The following ITGA4 variants were observed in gnomAD, a reference collection of about 807,000 sequenced individuals.
The protein encoded by ITGA4 is integrin alpha-4.
In ITGA4, 63 loss-of-function variants were observed where a neutral mutation model predicts 133.6. The observed-to-expected ratio is 0.47, with a 90% CI of 0.38 to 0.58. The LOEUF is 0.58. Among genes scored for constraint, ITGA4 ranks in the 20% least tolerant of loss-of-function variants. The pLI, the probability that ITGA4 is intolerant of heterozygous loss-of-function variation, is 0.00. For synonymous variants in ITGA4, 483 were observed against 438.0 expected (o/e 1.10, Z -1.28); for missense variants, 1,076 against 1,252.7 (o/e 0.86, Z 2.13).
intron 2 of ITGA4, among the ~76,000 whole-genome samples, chr2:181,462,363 T>A (rs1236146153): frequency 6.6e-6 from 1 of 152,184 alleles, no homozygotes; most frequent in Non-Finnish European, 1.5e-5. Context: ...CTGGTTCATA[T>A]TATATAACCT....
chr2:181,508,223 A>C (rs989786799), intron 15 of ITGA4, among the ~76,000 whole-genome samples: 1 of 152,120 alleles, frequency 6.6e-6, no homozygotes, highest in African/African-American at 2.4e-5. Context: ...TTGAAAAAAA[A>C]AACTTGTGAC....
chr2:181,526,956 C>T (rs954129217), intron 21 of ITGA4, among the ~76,000 whole-genome samples: 1 of 150,010 alleles, frequency 6.7e-6, no homozygotes, highest in Non-Finnish European at 1.5e-5. Context: ...CTCAGCCTCC[C>T]GAGTAGCTGG....
chr2:181,469,339 G>C (rs565001828), intron 2 of ITGA4, among the ~76,000 whole-genome samples: 1 of 152,122 alleles, frequency 6.6e-6, no homozygotes, highest in Non-Finnish European at 1.5e-5. Context: ...TGTCCATGTG[G>C]TCCAGGATGG....
At position 181,470,966 on chromosome 2, in the gene ITGA4, ACCTG is replaced by A. The variant is rs533032186; in HGVS notation, c.320-3993_320-3990del. Among the ~76,000 whole-genome samples, 480 of 152,314 alleles carry A rather than the reference ACCTG, an allele frequency of 3.2e-3. 3 individuals carry two copies. Among genetic ancestry groups the A allele is most frequent in the African/African-American group, 0.011 (472 of 41,564 alleles). ...CAGGATGTTCTCTGAACAGATTCTA[ACCTG>A]TAACCAGTACTTGAAAGTTACCTCA... is the stretch of plus-strand genomic sequence containing the variant. On this transcript the variant is annotated intron_variant, in intron 2 of 27. Coordinates refer to ENST00000397033, the MANE Select transcript of ITGA4 (RefSeq NM_000885.6).
chr2:181,489,580 A>T (rs925437308), intron 10 of ITGA4, among the ~76,000 whole-genome samples: 1 of 152,202 alleles, frequency 6.6e-6, no homozygotes, highest in African/African-American at 2.4e-5. Context: ...AAGTTCTACA[A>T]TTGTAAATTA....
At chr2:181,460,585 G>A (rs1451244868) in intron 2 of ITGA4, among the ~76,000 whole-genome samples, 1 of 151,922 alleles carries the variant, frequency 6.6e-6, no homozygotes, top group African/African-American at 2.4e-5. Flanking sequence ...GTGTGTGTGT[G>A]TGTGTGTGTG....
intron 2 of ITGA4, among the ~76,000 whole-genome samples, chr2:181,471,707 T>G (rs556579923): frequency 3.3e-4 from 51 of 152,308 alleles, no homozygotes; most frequent in South Asian, 1.9e-3. Context: ...AATTTCCCAC[T>G]TACACACCTG....
chr2:181,500,614 G>C (rs1179378230), intron 15 of ITGA4, among the ~76,000 whole-genome samples: 1 of 152,060 alleles, frequency 6.6e-6, no homozygotes, highest in African/African-American at 2.4e-5. Flanking sequence ...TTTTATCTCT[G>C]CATTCCTTAC....
rs761321255 is a variant in ITGA4, at chr2:181,481,599, A to G, written c.756A>G (p.Gly252=). ...QNQVKFGSYL[G]YSVGAGHFRS... ...CATACTTTCTCCCTTTTCTTAAAGGATATTCAGTCGGAGCTGGTCATTTTC... is the reference window on the plus strand; with the variant it reads ...CATACTTTCTCCCTTTTCTTAAAGGGTATTCAGTCGGAGCTGGTCATTTTC... The change falls in exon 7 of 28, where the codon GGA becomes GGG. Residue 252 remains glycine, a splice_region_variant and synonymous_variant. Coordinates refer to ENST00000397033, the MANE Select transcript of ITGA4 (RefSeq NM_000885.6). 4 of 1,581,092 alleles carry G rather than the reference A, an allele frequency of 2.5e-6. No individual in the cohort carries two copies. Among genetic ancestry groups the G allele is most frequent in the Admixed American group, 1.7e-5 (1 of 59,398 alleles).
chr2:181,531,937 C>G (rs897615263), intron 25 of ITGA4, among the ~76,000 whole-genome samples, 161 bp downstream of exon 25: 1 of 152,204 alleles, frequency 6.6e-6, no homozygotes, highest in Non-Finnish European at 1.5e-5. Flanking sequence ...CTTCAACTAT[C>G]TACATTGACT....
chr2:181,509,175 A>T (rs1489163023), intron 15 of ITGA4, among the ~76,000 whole-genome samples: 1 of 94,970 alleles, frequency 1.1e-5, no homozygotes, highest in Non-Finnish European at 2.1e-5. Flanking sequence ...AAAAAAAAAA[A>T]AAAAAAACTA....
chr2:181,480,661 C>T (rs184890119), intron 6 of ITGA4, among the ~76,000 whole-genome samples: 3 of 152,158 alleles, frequency 2.0e-5, no homozygotes, highest in East Asian at 1.9e-4. Flanking sequence ...TAAACATCTG[C>T]ATAAGTAAGT....
rs3816520 is a variant in ITGA4, at chr2:181,511,380, A to G, written c.1846-319A>G. On this transcript the variant is annotated intron_variant, in intron 16 of 27. Transcript: ENST00000397033. ...GCAACAGAAAATTGAGAGGAACCCA[A>G]TGAAAAACATCTTGGCAGCTAATAA... Among the ~76,000 whole-genome samples the G allele has an allele frequency of 7.6e-3, 1,159 of 152,220 alleles. 13 individuals are homozygous for G. The highest frequency in any genetic ancestry group is 0.022 in the East Asian group (114 of 5,160).
chr2:181,482,054 C>T (rs1437670785), intron 7 of ITGA4, among the ~76,000 whole-genome samples: 3 of 152,078 alleles, frequency 2.0e-5, no homozygotes, highest in Admixed American at 6.6e-5. Flanking sequence ...TTTGCTGTGT[C>T]GCTATGTGAA....
intron 15 of ITGA4, among the ~76,000 whole-genome samples, chr2:181,503,466 C>T (rs897361926): frequency 1.3e-5 from 2 of 150,448 alleles, no homozygotes; most frequent in African/African-American, 4.9e-5. Flanking sequence ...AATCAGTTTT[C>T]TTAAGTCTAA....
chr2:181,514,131 T>A (rs1686559839), intron 17 of ITGA4, among the ~76,000 whole-genome samples: 2 of 152,074 alleles, frequency 1.3e-5, no homozygotes, highest in African/African-American at 4.8e-5. Context: ...ATGTTTGACA[T>A]TAAGAAATTT....
In ITGA4 at chr2:181,481,578, C is replaced by T; in HGVS notation, c.755-20C>T. On this transcript the variant is annotated intron_variant, in intron 6 of 27. Transcript: ENST00000397033. ...ATGTACTTTACCCAGGACTCTCATA[C>T]TTTCTCCCTTTTCTTAAAGGATATT... The T allele has an allele frequency of 6.9e-7, 1 of 1,456,790 alleles. No individual in the cohort carries two copies. Among genetic ancestry groups the T allele is most frequent in the Non-Finnish European group, 9.6e-7 (1 of 1,045,372 alleles). 90.2% of individuals were successfully genotyped at this position (1,456,790 alleles called of 1,614,324 possible). A position where few individuals can be genotyped will look rare whatever the true frequency, so the allele number is the denominator to read the frequency against.
Position 181,493,359 on chromosome 2 carries a change from G to T in ITGA4, c.1188G>T (p.Leu396Phe). 1 of 1,612,602 alleles carries T rather than the reference G, an allele frequency of 6.2e-7. No homozygotes were observed. Among genetic ancestry groups the T allele is most frequent in the Non-Finnish European group, 8.5e-7 (1 of 1,178,926 alleles). ...VAIGAPQEDD[L>F]QGAIYIYNGR... is the part of the protein sequence containing the mutation. ...TCGGAGCTCCACAAGAAGATGACTT[G>T]CAAGGTGCTATTTATATTTACAATG... is the stretch of plus-strand genomic sequence containing the variant. Residue 396 changes from leucine (L) to phenylalanine (F), a missense_variant, in exon 11 of 28, where the codon TTG (leucine) becomes TTT (phenylalanine). Physicochemically the swap from Leu to Phe is conservative, Grantham distance 22. This residue lies in a region of ITGA4 where 436 missense variants were observed against 590.7 expected (regional missense o/e 0.74). Transcript: ENST00000397033.
chr2:181,530,747 A>G (rs1466331602), intron 24 of ITGA4, 98 bp downstream of exon 24: 3 of 1,074,666 alleles, frequency 2.8e-6, no homozygotes, highest in East Asian at 2.5e-5. Flanking sequence ...CTTCAATAAT[A>G]AGAGAGAAGA....
Sources: gnomAD v4.1 joint callset for allele counts (sites outside exome capture counted in the v4.1 genomes callset) on GRCh38, gnomAD v4.1.1 for gene constraint, gnomAD v4.1.1 regional missense constraint, MANE v1.5 for transcripts, NCBI Gene and HGNC (gene_info 2026-07-23, HGNC 2026-07-21) for gene names.